MAP3K19: variants seen among roughly 807,000 people sequenced by gnomAD.
The protein encoded by MAP3K19 is mitogen-activated protein kinase kinase kinase 19.
A neutral mutation model predicts 114.4 loss-of-function variants in MAP3K19; 91 were observed. The ratio of observed to expected loss-of-function variants is 0.80; its 90% confidence interval spans 0.67 to 0.95. The LOEUF (loss-of-function observed/expected upper bound fraction) is 0.95, where lower values mean the gene tolerates loss of function less well. MAP3K19 is among the 40% of genes least tolerant of loss of function. The pLI is 0.00. For synonymous variants in MAP3K19, 518 were observed against 530.5 expected, an observed-to-expected ratio of 0.98 and a Z score of 0.32; for missense variants, 1,471 against 1,573.2, an observed-to-expected ratio of 0.94 and a Z score of 1.10.
intron 5 of MAP3K19, among the ~76,000 whole-genome samples, chr2:135,018,178 C>G (rs1461408670): frequency 1.3e-5 from 2 of 151,282 alleles, no homozygotes; most frequent in South Asian, 2.1e-4. Flanking sequence ...GTAATCCCAG[C>G]TACTCCAGAG....
At chr2:135,031,352 T>C (rs1688376855) in intron 2 of MAP3K19, among the ~76,000 whole-genome samples, 2 of 151,984 alleles carry the variant, frequency 1.3e-5, no homozygotes, top group East Asian at 1.9e-4. Flanking sequence ...GGGAGAAAGA[T>C]TGTTCCAAGC....
At chr2:135,035,222 C>A (rs1233750702) in intron 2 of MAP3K19, among the ~76,000 whole-genome samples, 1 of 152,028 alleles carries the variant, frequency 6.6e-6, no homozygotes, top group Non-Finnish European at 1.5e-5. Context: ...CTTGGTGAAA[C>A]CCTGTCTCTA....
chr2:135,046,801 G>A (rs981698821), intron 1 of MAP3K19, among the ~76,000 whole-genome samples: 7 of 152,166 alleles, frequency 4.6e-5, no homozygotes, highest in African/African-American at 1.7e-4. Flanking sequence ...AGAAAGCATG[G>A]TTAAGAACAT....
Position 135,018,349 on chromosome 2 carries a change from T to TA in MAP3K19, c.138+3365_138+3366insT, listed in dbSNP as rs376376793. On this transcript the variant is annotated intron_variant, in intron 5 of 12. Transcript: ENST00000392915. ...TGAAGAAAGAAGCTCAACATATATA[T>TA]TTTTTTAAGGGATTGGGCCTCTTGT... Among the ~76,000 whole-genome samples the TA allele has an allele frequency of 1.7e-3, 258 of 151,580 alleles. 1 individual carries two copies. The Middle Eastern group carries it at 0.037, about 22-fold the overall frequency.
At chr2:134,972,983 T>A (rs903637226) in intron 12 of MAP3K19, among the ~76,000 whole-genome samples, 15 of 152,256 alleles carry the variant, frequency 9.9e-5, no homozygotes, top group African/African-American at 3.6e-4. Flanking sequence ...TATTCCATTG[T>A]GGCTGAAAGA....
chr2:135,000,018 G>A lies in MAP3K19; in HGVS notation c.236-3C>T, dbSNP rs766627552. 32 of 1,592,904 alleles carry A rather than the reference G, an allele frequency of 2.0e-5. No homozygotes were observed. In the African/African-American group the frequency reaches 4.0e-4, roughly 20 times the overall value. ...AAAAGTTACAGTGATCTCAACACCTGTAGAAACATACCACAGTAGTAGAAG... is the reference window on the plus strand; with the variant it reads ...AAAAGTTACAGTGATCTCAACACCTATAGAAACATACCACAGTAGTAGAAG... On this transcript the variant is annotated splice_region_variant and splice_polypyrimidine_tract_variant and intron_variant, in intron 6 of 12. Transcript: ENST00000392915.
In MAP3K19 at chr2:134,986,403, G is replaced by C. The variant is rs1269392400; in HGVS notation, c.2469C>G (p.Asp823Glu). ...VSMEESTGDR[D>E]ISNNQILTTS... ...TGGTGAGTATTTGATTGTTAGAAAT[G>C]TCTCTATCACCAGTAGACTCTTCCA... The change falls in exon 10 of 13, where the codon GAC becomes GAG. Residue 823 changes from aspartate (D) to glutamate (E), a missense_variant. Transcript: ENST00000392915. The C allele has an allele frequency of 6.2e-7, 1 of 1,613,800 alleles. No individual in the cohort carries two copies. The highest frequency in any genetic ancestry group is 8.5e-7 in the Non-Finnish European group (1 of 1,179,996).
intron 9 of MAP3K19, among the ~76,000 whole-genome samples, chr2:134,990,745 G>C (rs1445316550): frequency 6.6e-6 from 1 of 152,118 alleles, no homozygotes; most frequent in Admixed American, 6.5e-5. Context: ...AAAGTGCTGG[G>C]ATTAAGGCGT....
chr2:135,000,158 T>C (rs1266810002), intron 6 of MAP3K19, 143 bp from the exon 7 acceptor site: 1 of 626,732 alleles, frequency 1.6e-6, no homozygotes, highest in Non-Finnish European at 2.9e-6. Flanking sequence ...TTTAGCCATC[T>C]TTGTATCTTT....
At chr2:134,974,097 G>T (rs942882058) in intron 12 of MAP3K19, among the ~76,000 whole-genome samples, 1 of 152,124 alleles carries the variant, frequency 6.6e-6, no homozygotes, top group Non-Finnish European at 1.5e-5. Context: ...CACCTCCCAG[G>T]TTCAAGCAAT....
At chr2:134,981,777 C>G (rs965606115) in intron 11 of MAP3K19, among the ~76,000 whole-genome samples, 1 of 151,866 alleles carries the variant, frequency 6.6e-6, no homozygotes, top group Non-Finnish European at 1.5e-5. Context: ...CTGGCTTCAT[C>G]TTTCCCCAGC....
At chr2:134,971,720 T>C (rs749265822) in intron 12 of MAP3K19, among the ~76,000 whole-genome samples, 1 of 152,146 alleles carries the variant, frequency 6.6e-6, no homozygotes, top group Non-Finnish European at 1.5e-5. Context: ...TTCATAATGT[T>C]CTCTGGTGGG....
chr2:135,013,323 AAAGAAG>A (rs200691672), intron 5 of MAP3K19, among the ~76,000 whole-genome samples: 51 of 149,506 alleles, frequency 3.4e-4, no homozygotes, highest in South Asian at 6.3e-4. Context: ...AAAAAAAAAA[AAAGAAG>A]AAGAAGAAGA....
In MAP3K19 at chr2:134,983,705, C is replaced by G; in HGVS notation, c.3193G>C (p.Glu1065Gln). The change falls in exon 11 of 13, where the codon GAG (glutamate) becomes CAG (glutamine). Residue 1065 changes from glutamate (E) to glutamine (Q), a missense_variant. Transcript: ENST00000392915. ...SEEPILWTKG[E>Q]ILGKGAYGTV... is the part of the protein sequence containing the mutation. ...CCGTAGGCTCCCTTTCCAAGAATCT[C>G]ACCCTTGGTCCATAGGATAGGTTCT... 6.3e-7 allele frequency: 1 copy of G among 1,578,932 alleles called. No individual in the cohort carries two copies. The highest frequency in any genetic ancestry group is 8.6e-7 in the Non-Finnish European group (1 of 1,168,618).
chr2:134,967,904 C>T (rs374216937), intron 12 of MAP3K19, among the ~76,000 whole-genome samples: 2 of 150,056 alleles, frequency 1.3e-5, no homozygotes, highest in African/African-American at 4.9e-5. Flanking sequence ...GTGTTTCTCG[C>T]AGAGGGGGAT....
intron 4 of MAP3K19, 123 bp downstream of exon 4, chr2:135,024,503 C>T: frequency 1.1e-6 from 1 of 905,834 alleles, no homozygotes. Context: ...AGAGTCACTG[C>T]TCCATAAATA....
At chr2:134,965,129 T>A (rs1176609759) in intron 12 of MAP3K19, among the ~76,000 whole-genome samples, 1 of 152,206 alleles carries the variant, frequency 6.6e-6, no homozygotes, top group Non-Finnish European at 1.5e-5. Context: ...CAATAATACC[T>A]AACTCATTGG....
At chr2:135,013,901 CTCTT>C (rs1159497784) in intron 5 of MAP3K19, among the ~76,000 whole-genome samples, 2 of 152,186 alleles carry the variant, frequency 1.3e-5, no homozygotes, top group South Asian at 2.1e-4. Context: ...CTATTTTTTC[CTCTT>C]TCTTTATTTA....
At position 134,979,499 on chromosome 2, in the gene MAP3K19, G is replaced by A. The variant is rs1329146465; in HGVS notation, c.3920+1322C>T. 4.0e-5 allele frequency among the ~76,000 whole-genome samples: 6 copies of A among 151,820 alleles called. No homozygotes were observed. The East Asian group carries it at 9.7e-4, about 24-fold the overall frequency. On this transcript the variant is annotated intron_variant, in intron 12 of 12. Coordinates refer to ENST00000392915, the MANE Select transcript of MAP3K19 (RefSeq NM_025052.5). ...GTGTAATCACAACTTGAAAGAAAAT[G>A]AGAATAACAAGTGGTTTCTAGCTGT... is the stretch of plus-strand genomic sequence containing the variant.
Sources: gnomAD v4.1 joint callset for allele counts (sites outside exome capture counted in the v4.1 genomes callset) on GRCh38, gnomAD v4.1.1 for gene constraint, MANE v1.5 for transcripts, NCBI Gene and HGNC (gene_info 2026-07-23, HGNC 2026-07-21) for gene names.